OR7C2: variants seen among roughly 807,000 people sequenced by gnomAD.
The protein encoded by OR7C2 is olfactory receptor family 7 subfamily C member 2, also known as olfactory receptor 7C2.
For missense variants in OR7C2, 374 were observed against 387.4 expected, an observed-to-expected ratio of 0.97 and a Z score of 0.29; for synonymous variants, 160 against 157.7, an observed-to-expected ratio of 1.01 and a Z score of -0.11.
At position 14,942,347 on chromosome 19, in the gene OR7C2, T is replaced by C. The variant is rs758085064; in HGVS notation, c.859T>C (p.Phe287Leu). 3.1e-6 allele frequency: 5 copies of C among 1,614,100 alleles called. No individual in the cohort carries two copies. Among genetic ancestry groups the C allele is most frequent in the Non-Finnish European group, 4.2e-6 (5 of 1,180,020 alleles). The change falls in exon 1 of 1, where the codon TTC becomes CTC. Residue 287 changes from phenylalanine to leucine, a missense_variant. Transcript: ENST00000248072. ...CATGGTCACCCCCATGCTGAACCCC[T>C]TCATCTACAGCCTGAGGAACAAGGA... ...YTMVTPMLNP[F>L]IYSLRNKDMK...
In OR7C2 at chr19:14,941,521, C is replaced by A. The variant is rs1568279468; in HGVS notation, c.33C>A (p.Asn11Lys). ...GAGGAAACCAAACAGAAGTTGGAAA[C>A]TTTCTCCTCCTGGGATTCGCAGAGG... MERGNQTEVGNFLLLGFAEDS... is the reference protein window; with the variant it reads MERGNQTEVGKFLLLGFAEDS... The change falls in exon 1 of 1, where the codon AAC (asparagine) becomes AAA (lysine). Residue 11 changes from asparagine (N) to lysine (K), a missense_variant. Physicochemically the swap from Asn to Lys is moderately conservative, Grantham distance 94. Transcript: ENST00000248072. The A allele has an allele frequency of 6.3e-7, 1 of 1,584,072 alleles. No homozygotes were observed. The highest frequency in any genetic ancestry group is 2.3e-5 in the East Asian group (1 of 44,404).
Position 14,942,043 on chromosome 19 carries a change from G to A in OR7C2, c.555G>A (p.Leu185=), listed in dbSNP as rs1460518342. 1.9e-6 allele frequency: 3 copies of A among 1,614,138 alleles called. No homozygotes were observed. Among genetic ancestry groups the A allele is most frequent in the South Asian group, 2.2e-5 (2 of 91,072 alleles). ...TTTTTTGTGATCCTTCCGAAGTCCTGAAGCTGGCCTGTTCTGACACCTTCA... is the reference window on the plus strand; with the variant it reads ...TTTTTTGTGATCCTTCCGAAGTCCTAAAGCTGGCCTGTTCTGACACCTTCA... The part of the protein sequence containing the change: ...PHFFCDPSEV[L]KLACSDTFIN... The change falls in exon 1 of 1, where the codon CTG becomes CTA. Residue 185 remains leucine (L), a synonymous_variant. Transcript: ENST00000248072.
chr19:14,941,514 T>C lies in OR7C2; in HGVS notation c.26T>C (p.Val9Ala), dbSNP rs1259637808. The C allele has an allele frequency of 5.7e-6, 9 of 1,578,444 alleles. No homozygotes were observed. Among genetic ancestry groups the C allele is most frequent in the Admixed American group, 1.8e-5 (1 of 55,960 alleles). Residue 9 changes from valine to alanine, a missense_variant, in exon 1 of 1, where the codon GTT (valine) becomes GCT (alanine). Val to Ala is a moderately conservative substitution (Grantham distance 64). Coordinates refer to ENST00000248072, the MANE Select transcript of OR7C2 (RefSeq NM_012377.1). MERGNQTE[V>A]GNFLLLGFAE... ...ATGGAAAGAGGAAACCAAACAGAAG[T>C]TGGAAACTTTCTCCTCCTGGGATTC... is the stretch of plus-strand genomic sequence containing the variant.
rs1288396984 is a variant in OR7C2 at position 14,941,596 on chromosome 19, G to T, written c.108G>T (p.Leu36=). The change falls in exon 1 of 1, where the codon CTG becomes CTT. Residue 36 remains leucine (L), a synonymous_variant. Transcript: ENST00000248072. The part of the protein sequence containing the change: ...LLHGLFLSMY[L]VTIIGNLLII... ...ATGGGCTGTTCCTCTCCATGTACCTGGTTACCATCATCGGAAACCTGCTCA... is the reference window on the plus strand; with the variant it reads ...ATGGGCTGTTCCTCTCCATGTACCTTGTTACCATCATCGGAAACCTGCTCA... 5.0e-6 allele frequency: 8 copies of T among 1,613,908 alleles called. No homozygotes were observed. The South Asian group carries it at 8.8e-5, about 18-fold the overall frequency.
chr19:14,941,821 C>A lies in OR7C2; in HGVS notation c.333C>A (p.Asp111Glu). 6.2e-7 allele frequency: 1 copy of A among 1,614,084 alleles called. No homozygotes were observed. Among genetic ancestry groups the A allele is most frequent in the Non-Finnish European group, 8.5e-7 (1 of 1,180,030 alleles). Residue 111 changes from aspartate (D) to glutamate (E), a missense_variant, in exon 1 of 1, where the codon GAC becomes GAA. By Grantham distance (45) the Asp-to-Glu change is conservative. Transcript: ENST00000248072. ...TTTTCATTGCATTTGGATGCCTGGA[C>A]AATTTGCTCCTGACCATGACGGCCT... ...IFFFIAFGCL[D>E]NLLLTMTAYD...
In OR7C2 at chr19:14,941,696, G is replaced by T; in HGVS notation, c.208G>T (p.Asp70Tyr). The change falls in exon 1 of 1, where the codon GAC becomes TAC. Residue 70 changes from aspartate (D) to tyrosine (Y), a missense_variant. Asp to Tyr is a radical substitution (Grantham distance 160). Transcript: ENST00000248072. The stretch of plus-strand genomic sequence containing the variant: ...CTTCCTCTCCAACCTGTCCTTTGCT[G>T]ACATCTGTTTCACATCCACGACTGT... ...YFFLSNLSFA[D>Y]ICFTSTTVPK... The T allele has an allele frequency of 6.2e-7, 1 of 1,614,102 alleles. No homozygotes were observed. Among genetic ancestry groups the T allele is most frequent in the East Asian group, 2.2e-5 (1 of 44,878 alleles).
At position 14,941,512 on chromosome 19, in the gene OR7C2, A is replaced by G. The variant is rs1297422991; in HGVS notation, c.24A>G (p.Glu8=). 6.3e-7 allele frequency: 1 copy of G among 1,575,640 alleles called. No homozygotes were observed. The highest frequency in any genetic ancestry group is 1.4e-5 in the African/African-American group (1 of 73,908). The change falls in exon 1 of 1, where the codon GAA becomes GAG. Residue 8 remains glutamate, a synonymous_variant. Coordinates refer to ENST00000248072, the MANE Select transcript of OR7C2 (RefSeq NM_012377.1). ...CCATGGAAAGAGGAAACCAAACAGA[A>G]GTTGGAAACTTTCTCCTCCTGGGAT... The part of the protein sequence containing the change: MERGNQT[E]VGNFLLLGFA...
In OR7C2 at chr19:14,942,141, A is replaced by C. The variant is rs2045354499; in HGVS notation, c.653A>C (p.Tyr218Ser). ...CCTCTCTGTGGAATCCTATTCTCTT[A>C]TTCTCAGATTTTCTCCTCCGTCCTA... is the stretch of plus-strand genomic sequence containing the variant. Reference protein sequence around the residue: ...VFPLCGILFSYSQIFSSVLRV... With the variant: ...VFPLCGILFSSSQIFSSVLRV... Residue 218 changes from tyrosine (Y) to serine (S), a missense_variant, in exon 1 of 1, where the codon TAT becomes TCT. Tyr to Ser is a moderately radical substitution (Grantham distance 144, BLOSUM62 -2). Transcript: ENST00000248072. 1 of 1,599,838 alleles carries C rather than the reference A, an allele frequency of 6.3e-7. No individual in the cohort carries two copies. The highest frequency in any genetic ancestry group is 8.5e-7 in the Non-Finnish European group (1 of 1,176,660).
chr19:14,941,968 C>G lies in OR7C2; in HGVS notation c.480C>G (p.Thr160=). ...GTGTCATGGGTTCCTTGCTTGAGAC[C>G]TTGACCATTTTGAGGCTGTCCTTCT... ...CISVMGSLLE[T]LTILRLSFCT... is the part of the protein sequence containing the mutation. The change falls in exon 1 of 1, where the codon ACC becomes ACG. Residue 160 remains threonine (T), a synonymous_variant. Transcript: ENST00000248072. The G allele has an allele frequency of 6.2e-7, 1 of 1,614,102 alleles. No homozygotes were observed. The highest frequency in any genetic ancestry group is 8.5e-7 in the Non-Finnish European group (1 of 1,180,032).
Position 14,941,582 on chromosome 19 carries a change from C to T in OR7C2, c.94C>T (p.Leu32Phe). 1 of 1,614,024 alleles carries T rather than the reference C, an allele frequency of 6.2e-7. No individual in the cohort carries two copies. Among genetic ancestry groups the T allele is most frequent in the Non-Finnish European group, 8.5e-7 (1 of 1,179,988 alleles). Residue 32 changes from leucine to phenylalanine, a missense_variant, in exon 1 of 1, where the codon CTC becomes TTC. Physicochemically the swap from Leu to Phe is conservative, Grantham distance 22. Coordinates refer to ENST00000248072, the MANE Select transcript of OR7C2 (RefSeq NM_012377.1). Reference protein sequence around the residue: ...DMQLLLHGLFLSMYLVTIIGN... With the variant: ...DMQLLLHGLFFSMYLVTIIGN... ...GCAGCTTCTCCTCCATGGGCTGTTC[C>T]TCTCCATGTACCTGGTTACCATCAT...
At position 14,941,725 on chromosome 19, in the gene OR7C2, A is replaced by C. The variant is rs2045352063; in HGVS notation, c.237A>C (p.Pro79=). 3 of 1,614,056 alleles carry C rather than the reference A, an allele frequency of 1.9e-6. No individual in the cohort carries two copies. In the South Asian group the frequency reaches 3.3e-5, roughly 18 times the overall value. ...ADICFTSTTV[P]KMLVNIQTQS... ...TCTGTTTCACATCCACGACTGTCCC[A>C]AAGATGCTGGTGAATATCCAAACAC... The change falls in exon 1 of 1, where the codon CCA becomes CCC. Residue 79 remains proline (P), a synonymous_variant. Coordinates refer to ENST00000248072, the MANE Select transcript of OR7C2 (RefSeq NM_012377.1).
In OR7C2 at chr19:14,942,420, A is replaced by G. The variant is rs773400416; in HGVS notation, c.932A>G (p.Lys311Arg). The G allele has an allele frequency of 1.2e-6, 2 of 1,613,388 alleles. No individual in the cohort carries two copies. Among genetic ancestry groups the G allele is most frequent in the Non-Finnish European group, 1.7e-6 (2 of 1,179,662 alleles). The change falls in exon 1 of 1, where the codon AAA becomes AGA. Residue 311 changes from lysine (K) to arginine (R), a missense_variant. Coordinates refer to ENST00000248072, the MANE Select transcript of OR7C2 (RefSeq NM_012377.1). ...CTCCTCCTCAGGGCAACGTCTCTCAAAGAGGGGACCATTGCTAAGCTCTCA... is the reference window on the plus strand; with the variant it reads ...CTCCTCCTCAGGGCAACGTCTCTCAGAGAGGGGACCATTGCTAAGCTCTCA... ...GRLLLRATSL[K>R]EGTIAKLS
chr19:14,942,035 G>A lies in OR7C2; in HGVS notation c.547G>A (p.Glu183Lys), dbSNP rs760535188. The change falls in exon 1 of 1, where the codon GAA becomes AAA. Residue 183 changes from glutamate to lysine, a missense_variant. Transcript: ENST00000248072. Reference sequence around the variant, plus strand: ...TCCGCACTTTTTTTGTGATCCTTCCGAAGTCCTGAAGCTGGCCTGTTCTGA... The same window carrying A: ...TCCGCACTTTTTTTGTGATCCTTCCAAAGTCCTGAAGCTGGCCTGTTCTGA... ...EIPHFFCDPS[E>K]VLKLACSDTF... 27 of 1,614,082 alleles carry A rather than the reference G, an allele frequency of 1.7e-5. No individual in the cohort carries two copies. The highest frequency in any genetic ancestry group is 6.7e-5 in the Admixed American group (4 of 60,008).
Position 14,942,073 on chromosome 19 carries a change from T to C in OR7C2, c.585T>C (p.Asn195=), listed in dbSNP as rs896099897. The change falls in exon 1 of 1, where the codon AAT becomes AAC. Residue 195 remains asparagine (N), a synonymous_variant. Coordinates refer to ENST00000248072, the MANE Select transcript of OR7C2 (RefSeq NM_012377.1). ...LKLACSDTFI[N]NIVMYFVTIV... ...TGGCCTGTTCTGACACCTTCATCAATAACATCGTGATGTATTTTGTGACCA... is the reference window on the plus strand; with the variant it reads ...TGGCCTGTTCTGACACCTTCATCAACAACATCGTGATGTATTTTGTGACCA... 1 of 1,614,194 alleles carries C rather than the reference T, an allele frequency of 6.2e-7. No homozygotes were observed. Among genetic ancestry groups the C allele is most frequent in the African/African-American group, 1.3e-5 (1 of 75,048 alleles).
rs1393726365 is a variant in OR7C2, at chr19:14,941,689, C to T, written c.201C>T (p.Ser67=). 2 of 1,614,158 alleles carry T rather than the reference C, an allele frequency of 1.2e-6. No homozygotes were observed. The highest frequency in any genetic ancestry group is 1.1e-5 in the South Asian group (1 of 91,072). Residue 67 remains serine (S), a synonymous_variant, in exon 1 of 1, where the codon TCC becomes TCT. Coordinates refer to ENST00000248072, the MANE Select transcript of OR7C2 (RefSeq NM_012377.1). ...TPMYFFLSNL[S]FADICFTSTT... ...TGTACTTCTTCCTCTCCAACCTGTC[C>T]TTTGCTGACATCTGTTTCACATCCA...
In OR7C2 at chr19:14,941,722, C is replaced by G. The variant is rs766109227; in HGVS notation, c.234C>G (p.Val78=). ...FADICFTSTT[V]PKMLVNIQTQ... Reference sequence around the variant, plus strand: ...ACATCTGTTTCACATCCACGACTGTCCCAAAGATGCTGGTGAATATCCAAA... The same window carrying G: ...ACATCTGTTTCACATCCACGACTGTGCCAAAGATGCTGGTGAATATCCAAA... Residue 78 remains valine (V), a synonymous_variant, in exon 1 of 1, where the codon GTC becomes GTG. Coordinates refer to ENST00000248072, the MANE Select transcript of OR7C2 (RefSeq NM_012377.1). 6.2e-7 allele frequency: 1 copy of G among 1,614,198 alleles called. No individual in the cohort carries two copies. The highest frequency in any genetic ancestry group is 8.5e-7 in the Non-Finnish European group (1 of 1,180,048).
At position 14,941,656 on chromosome 19, in the gene OR7C2, C is replaced by T. The variant is rs149680558; in HGVS notation, c.168C>T (p.His56=). 1.2e-6 allele frequency: 2 copies of T among 1,614,046 alleles called. No individual in the cohort carries two copies. The highest frequency in any genetic ancestry group is 1.3e-5 in the African/African-American group (1 of 74,910). ...ILTISSDSHL[H]TPMYFFLSNL... ...CCATCAGTTCAGACTCCCACCTCCA[C>T]ACCCCCATGTACTTCTTCCTCTCCA... The change falls in exon 1 of 1, where the codon CAC becomes CAT. Residue 56 remains histidine (H), a synonymous_variant. Transcript: ENST00000248072.
rs772288779 is a variant in OR7C2 at position 14,941,598 on chromosome 19, T to C, written c.110T>C (p.Val37Ala). 9 of 1,613,990 alleles carry C rather than the reference T, an allele frequency of 5.6e-6. No homozygotes were observed. In the African/African-American group the frequency reaches 1.1e-4, roughly 19 times the overall value. Residue 37 changes from valine to alanine, a missense_variant, in exon 1 of 1, where the codon GTT becomes GCT. Physicochemically the swap from Val to Ala is moderately conservative, Grantham distance 64 (BLOSUM62 0). Coordinates refer to ENST00000248072, the MANE Select transcript of OR7C2 (RefSeq NM_012377.1). The stretch of plus-strand genomic sequence containing the variant: ...GGGCTGTTCCTCTCCATGTACCTGG[T>C]TACCATCATCGGAAACCTGCTCATC... ...LHGLFLSMYL[V>A]TIIGNLLIIL...
At position 14,941,663 on chromosome 19, in the gene OR7C2, A is replaced by G; in HGVS notation, c.175A>G (p.Met59Val). The part of the protein sequence containing the change: ...ISSDSHLHTP[M>V]YFFLSNLSFA... ...TTCAGACTCCCACCTCCACACCCCC[A>G]TGTACTTCTTCCTCTCCAACCTGTC... is the stretch of plus-strand genomic sequence containing the variant. The change falls in exon 1 of 1, where the codon ATG becomes GTG. Residue 59 changes from methionine (M) to valine (V), a missense_variant. Transcript: ENST00000248072. The G allele has an allele frequency of 6.2e-7, 1 of 1,613,976 alleles. No homozygotes were observed. The highest frequency in any genetic ancestry group is 1.1e-5 in the South Asian group (1 of 91,068).
Sources: allele counts gnomAD v4.1 joint callset, GRCh38; gene constraint gnomAD v4.1.1; transcripts MANE v1.5; gene names NCBI Gene and HGNC (gene_info 2026-07-23, HGNC 2026-07-21).